Variants in DIP2C observed in about 807,000 individuals in gnomAD.
The protein encoded by DIP2C is disco-interacting protein 2 homolog C.
A neutral mutation model predicts 192.4 loss-of-function variants in DIP2C; 33 were observed. The observed-to-expected ratio is 0.17, with a 90% confidence interval of 0.13 to 0.23. DIP2C has a LOEUF of 0.23. DIP2C is among the 10% of genes least tolerant of loss of function. The pLI is 1.00. For synonymous variants in DIP2C, 979 were observed against 864.1 expected (o/e 1.13, Z -2.33); for missense variants, 1,537 against 2,110.1 (o/e 0.73, Z 5.32).
chr10:683,703 G>T (rs1166715489), intron 1 of DIP2C, among the ~76,000 whole-genome samples: 1 of 152,112 alleles, frequency 6.6e-6, no homozygotes, highest in African/African-American at 2.4e-5. Flanking sequence ...CTTAATAATG[G>T]GACTGACGGG....
chr10:315,416 G>A (rs979627005), intron 31 of DIP2C, among the ~76,000 whole-genome samples: 1 of 152,082 alleles, frequency 6.6e-6, no homozygotes, highest in Non-Finnish European at 1.5e-5. Context: ...CGTATTTGCT[G>A]AACGATTCTC....
rs558747875 is a variant in DIP2C at position 381,379 on chromosome 10, T to C, written c.1991+1268A>G. Among the ~76,000 whole-genome samples the C allele has an allele frequency of 2.6e-5, 4 of 152,328 alleles. No homozygotes were observed. The East Asian group carries it at 7.7e-4, about 29-fold the overall frequency. ...TTTTCAGGACACTGTCATTTCTAATTCAACCTGGAATGCTAAAATTGTACC... is the reference window on the plus strand; with the variant it reads ...TTTTCAGGACACTGTCATTTCTAATCCAACCTGGAATGCTAAAATTGTACC... On this transcript the variant is annotated intron_variant, in intron 17 of 36. Coordinates refer to ENST00000280886, the MANE Select transcript of DIP2C (RefSeq NM_014974.3).
intron 1 of DIP2C, among the ~76,000 whole-genome samples, chr10:596,800 T>TG (rs1407680266): frequency 3.3e-5 from 5 of 152,288 alleles, no homozygotes; most frequent in South Asian, 4.1e-4. Flanking sequence ...GTGCCTGAGC[T>TG]GGGGTGGTGG....
intron 9 of DIP2C, among the ~76,000 whole-genome samples, chr10:407,603 T>C (rs994165702): frequency 1.3e-5 from 2 of 152,150 alleles, no homozygotes; most frequent in Non-Finnish European, 2.9e-5. Flanking sequence ...CCCTTTTCAG[T>C]AGTTTAGTAA....
intron 1 of DIP2C, among the ~76,000 whole-genome samples, chr10:580,018 C>T (rs974596372): frequency 3.3e-5 from 5 of 152,032 alleles, no homozygotes; most frequent in Non-Finnish European, 4.4e-5. Context: ...ACATGAATAG[C>T]ATGTACACGC....
intron 15 of DIP2C, 55 bp from the exon 16 acceptor site, chr10:384,201 T>C (rs1000504306): frequency 2.9e-5 from 46 of 1,592,378 alleles, no homozygotes; most frequent in African/African-American, 4.1e-5. Context: ...TCGTCCCCTA[T>C]TGCAAAAGAG....
chr10:445,374 C>T (rs1968087751), intron 3 of DIP2C, among the ~76,000 whole-genome samples: 1 of 151,600 alleles, frequency 6.6e-6, no homozygotes, highest in Admixed American at 6.6e-5. Flanking sequence ...TGAAGAGTCT[C>T]ACAGGCCCAC....
intron 31 of DIP2C, among the ~76,000 whole-genome samples, chr10:323,365 GCGC>G: frequency 5.2e-5 from 6 of 116,218 alleles, no homozygotes; most frequent in South Asian, 3.5e-4. Context: ...CGAGAGACCG[GCGC>G]TGTTAGAACA....
chr10:354,076 G>A (rs568812883), intron 24 of DIP2C, among the ~76,000 whole-genome samples: 13 of 152,244 alleles, frequency 8.5e-5, no homozygotes, highest in South Asian at 6.2e-4. Context: ...GATGCTTGGC[G>A]CAAAATAACA....
chr10:283,762 A>G (rs1954958903), intron 34 of DIP2C, among the ~76,000 whole-genome samples: 1 of 152,248 alleles, frequency 6.6e-6, no homozygotes, highest in Non-Finnish European at 1.5e-5. Context: ...ACAAAGTCAC[A>G]CTAGATTCCT....
At chr10:554,967 AC>A (rs1299042610) in intron 1 of DIP2C, among the ~76,000 whole-genome samples, 1 of 152,156 alleles carries the variant, frequency 6.6e-6, no homozygotes, top group African/African-American at 2.4e-5. Flanking sequence ...TCTGGGCTTC[AC>A]TTTTGTATAT....
intron 1 of DIP2C, among the ~76,000 whole-genome samples, chr10:508,863 C>T (rs12252461): frequency 4.5e-4 from 69 of 152,282 alleles, no homozygotes; most frequent in Admixed American, 1.0e-3. Flanking sequence ...AGGCATCACT[C>T]GAAAACACGG....
intron 1 of DIP2C, among the ~76,000 whole-genome samples, chr10:541,184 T>A (rs1435129244): frequency 6.6e-6 from 1 of 151,870 alleles, no homozygotes; most frequent in African/African-American, 2.4e-5. Context: ...ACCAAACACG[T>A]TCTACCACGC....
chr10:566,536 T>TA (rs954816354), intron 1 of DIP2C, among the ~76,000 whole-genome samples: 11 of 152,254 alleles, frequency 7.2e-5, no homozygotes, highest in African/African-American at 2.7e-4. Context: ...CACGTTCAGA[T>TA]AGCAACACAG....
At chr10:568,715 G>A (rs186697634) in intron 1 of DIP2C, among the ~76,000 whole-genome samples, 3,578 of 134,522 alleles carry the variant, frequency 0.027, 79 homozygotes, top group Non-Finnish European at 0.038. Flanking sequence ...GCAGTGAGTC[G>A]AGATCGCGCC....
At chr10:568,229 C>T (rs1354011353) in intron 1 of DIP2C, among the ~76,000 whole-genome samples, 1 of 152,212 alleles carries the variant, frequency 6.6e-6, no homozygotes, top group African/African-American at 2.4e-5. Context: ...CCTCAAACAC[C>T]TCTCACATCA....
In DIP2C at chr10:648,007, A is replaced by C. The variant is rs975114578; in HGVS notation, c.85+41487T>G. Among the ~76,000 whole-genome samples, 21 of 151,666 alleles carry C rather than the reference A, an allele frequency of 1.4e-4. 1 individual carries two copies. The highest frequency in any genetic ancestry group is 2.6e-4 in the Non-Finnish European group (18 of 67,974). ...GGACGGTGGGAGAGAACAGAGGGAAACTGAGTCCACGTCCACATTTGACGG... is the reference window on the plus strand; with the variant it reads ...GGACGGTGGGAGAGAACAGAGGGAACCTGAGTCCACGTCCACATTTGACGG... On this transcript the variant is annotated intron_variant, in intron 1 of 36. Transcript: ENST00000280886.
intron 1 of DIP2C, among the ~76,000 whole-genome samples, chr10:618,488 T>C (rs1261715784): frequency 6.6e-6 from 1 of 152,158 alleles, no homozygotes; most frequent in East Asian, 1.9e-4. Flanking sequence ...CAGACAGAGC[T>C]CAAGGCACGA....
chr10:358,101 A>T (rs1959168860), intron 22 of DIP2C, among the ~76,000 whole-genome samples, 164 bp from the exon 23 acceptor site: 2 of 152,316 alleles, frequency 1.3e-5, no homozygotes, highest in South Asian at 4.1e-4. Flanking sequence ...ATGATTGTGA[A>T]GGGGGAGTGT....
Sources: allele counts gnomAD v4.1 joint callset (sites outside exome capture counted in the v4.1 genomes callset), GRCh38; gene constraint gnomAD v4.1.1; transcripts MANE v1.5; gene names NCBI Gene and HGNC (gene_info 2026-07-23, HGNC 2026-07-21).